PACRG: variants seen among roughly 807,000 people sequenced by gnomAD.
PACRG encodes the protein parkin coregulated gene protein.
PACRG carries 29 observed loss-of-function variants against 29.7 expected under a neutral mutation model. The ratio of observed to expected loss-of-function variants is 0.98; its 90% CI spans 0.73 to 1.33. The LOEUF (loss-of-function observed/expected upper bound fraction) is 1.33. Ranked by LOEUF, PACRG falls within the 40% of genes most tolerant of loss-of-function variation. The pLI is 0.00. For synonymous variants in PACRG, 116 were observed against 118.7 expected (o/e 0.98, Z 0.15); for missense variants, 279 against 316.2 (o/e 0.88, Z 0.89).
At chr6:163,277,776 A>T (rs1036192207) in intron 4 of PACRG, among the ~76,000 whole-genome samples, 3 of 151,598 alleles carry the variant, frequency 2.0e-5, no homozygotes, top group Non-Finnish European at 4.4e-5. Context: ...TTGCAATTGT[A>T]AATTGTGCTG....
chr6:163,032,619 T>A (rs1807776964), intron 2 of PACRG, among the ~76,000 whole-genome samples: 1 of 152,218 alleles, frequency 6.6e-6, no homozygotes, highest in African/African-American at 2.4e-5. Flanking sequence ...GAGTTTTTTA[T>A]AATTTTAGAA....
intron 4 of PACRG, among the ~76,000 whole-genome samples, chr6:163,223,495 C>G (rs899192435): frequency 6.6e-6 from 1 of 152,176 alleles, no homozygotes; most frequent in Non-Finnish European, 1.5e-5. Flanking sequence ...TGAGTGCCCA[C>G]TGAGCTCCAC....
At chr6:162,961,883 G>A (rs1800648060) in intron 2 of PACRG, among the ~76,000 whole-genome samples, 1 of 151,904 alleles carries the variant, frequency 6.6e-6, no homozygotes, top group African/African-American at 2.4e-5. Context: ...ACCTGAGGCT[G>A]TCTGTGAGCT....
intron 1 of PACRG, among the ~76,000 whole-genome samples, chr6:162,811,839 G>T (rs1427369216): frequency 6.6e-6 from 1 of 152,002 alleles, no homozygotes; most frequent in Non-Finnish European, 1.5e-5. Flanking sequence ...AAAGTGTTTT[G>T]GATTTTTGAT....
In PACRG at chr6:162,728,139, C is replaced by A; in HGVS notation, c.-97C>A. On this transcript the variant is annotated 5_prime_UTR_variant, in exon 1 of 5. Transcript: ENST00000366888. ...GGGTTGAATTTCTACCATTATCGCG[C>A]CTTTTGATATTTTTTTCCAGACCTC... 1 of 1,407,902 alleles carries A rather than the reference C, an allele frequency of 7.1e-7. No individual in the cohort carries two copies. Among genetic ancestry groups the A allele is most frequent in the South Asian group, 1.3e-5 (1 of 75,394 alleles). The allele number at this position is 1,407,902 out of a possible 1,614,324, so 87.2% of individuals were successfully genotyped here.
At chr6:163,205,600 C>G (rs1585331059) in intron 4 of PACRG, among the ~76,000 whole-genome samples, 1 of 152,046 alleles carries the variant, frequency 6.6e-6, no homozygotes, top group Non-Finnish European at 1.5e-5. Flanking sequence ...CCTAAAACTA[C>G]AAAAACCCTG....
rs1480211610 is a variant in PACRG, at chr6:162,990,879, G to A, written c.292-71271G>A. Among the ~76,000 whole-genome samples, 195 of 97,256 alleles carry A rather than the reference G, an allele frequency of 2.0e-3. 1 individual carries two copies. The highest frequency in any genetic ancestry group is 3.4e-3 in the Non-Finnish European group (185 of 54,426). The allele number at this position is 97,256 out of a possible 152,430, so 63.8% of individuals were successfully genotyped here. A position where few individuals can be genotyped will look rare whatever the true frequency, so the allele number is the denominator to read the frequency against. On this transcript the variant is annotated intron_variant, in intron 2 of 4. Coordinates refer to ENST00000366888, the MANE Select transcript of PACRG (RefSeq NM_001080379.2). ...GGGTTTTTATGGTTTTAGGTCTAAC[G>A]TTTAAATCTTTAATCCATCTTGAAT...
rs970080664 is a variant in PACRG at position 163,315,404 on chromosome 6, T to A, written c.*417T>A. ...ATGCTGACTGCTTACTAGGTGTTTG[T>A]CATGGAAGAGAAGCATGGGTTCAGC... On this transcript the variant is annotated 3_prime_UTR_variant, in exon 5 of 5. Transcript: ENST00000366888. The A allele has an allele frequency of 1.3e-5, 2 of 156,598 alleles. No homozygotes were observed. The highest frequency in any genetic ancestry group is 4.8e-5 in the African/African-American group (2 of 41,524). The allele number at this position is 156,598 out of a possible 1,614,324, so 9.7% of individuals were successfully genotyped here.
chr6:163,094,451 C>G (rs913052380), intron 4 of PACRG, among the ~76,000 whole-genome samples: 1 of 152,200 alleles, frequency 6.6e-6, no homozygotes, highest in South Asian at 2.1e-4. Flanking sequence ...TATCTAGTCT[C>G]TCTGAGCACT....
chr6:163,291,715 G>C, intron 4 of PACRG, among the ~76,000 whole-genome samples: 2 of 152,352 alleles, frequency 1.3e-5, no homozygotes, highest in South Asian at 4.1e-4. Flanking sequence ...TTAAAAGAAA[G>C]ACAAATGTCT....
intron 2 of PACRG, among the ~76,000 whole-genome samples, chr6:163,029,868 G>A (rs1160957187): frequency 6.6e-6 from 1 of 152,158 alleles, no homozygotes; most frequent in Non-Finnish European, 1.5e-5. Context: ...TGAACAAGCT[G>A]ATTAATACAA....
At chr6:162,937,363 A>T (rs1358785210) in intron 2 of PACRG, among the ~76,000 whole-genome samples, 1 of 152,206 alleles carries the variant, frequency 6.6e-6, no homozygotes, top group Admixed American at 6.5e-5. Context: ...GCTGTGCTAG[A>T]CAGTGCAGGT....
intron 4 of PACRG, among the ~76,000 whole-genome samples, chr6:163,297,936 C>T (rs553808287): frequency 8.5e-5 from 13 of 152,270 alleles, no homozygotes; most frequent in South Asian, 4.1e-4. Flanking sequence ...ATGGACTGAC[C>T]GTGCAGTGTC....
chr6:162,824,553 G>T (rs1788118157), intron 2 of PACRG, among the ~76,000 whole-genome samples: 1 of 152,056 alleles, frequency 6.6e-6, no homozygotes, highest in Non-Finnish European at 1.5e-5. Flanking sequence ...TAATTTTGTG[G>T]TATGTTGGGA....
intron 2 of PACRG, among the ~76,000 whole-genome samples, chr6:163,001,467 C>T (rs530799100): frequency 8.5e-5 from 13 of 152,090 alleles, no homozygotes; most frequent in East Asian, 1.9e-4. Flanking sequence ...GAGTGGCAGC[C>T]GGTAAACAGA....
chr6:162,958,882 TATAG>T (rs1456243337), intron 2 of PACRG, among the ~76,000 whole-genome samples: 13 of 15,116 alleles, frequency 8.6e-4, no homozygotes, highest in African/African-American at 1.0e-3. Flanking sequence ...TATATATATA[TATAG>T]AGAGAGAGAG....
chr6:162,946,612 G>A (rs973039505), intron 2 of PACRG, among the ~76,000 whole-genome samples: 6 of 151,998 alleles, frequency 3.9e-5, no homozygotes, highest in African/African-American at 1.4e-4. Context: ...TCAAAGAGGA[G>A]AGAATTCTCA....
chr6:162,859,045 C>T (rs1366329473), intron 2 of PACRG, among the ~76,000 whole-genome samples: 1 of 152,146 alleles, frequency 6.6e-6, no homozygotes, highest in Non-Finnish European at 1.5e-5. Flanking sequence ...ATGTTCTGAA[C>T]CCCAAAAATA....
In PACRG at chr6:163,049,472, C is replaced by G. The variant is rs147998493; in HGVS notation, c.292-12678C>G. Among the ~76,000 whole-genome samples the G allele has an allele frequency of 3.9e-3, 587 of 152,106 alleles. 1 individual carries two copies. Among genetic ancestry groups the G allele is most frequent in the African/African-American group, 0.014 (563 of 41,530 alleles). Reference sequence around the variant, plus strand: ...AATGGGGGAAATATTCCCAATGAGACTCAAAAATCAGCATCTATAAAACAT... The same window carrying G: ...AATGGGGGAAATATTCCCAATGAGAGTCAAAAATCAGCATCTATAAAACAT... On this transcript the variant is annotated intron_variant, in intron 2 of 4. Transcript: ENST00000366888.
Sources: allele counts gnomAD v4.1 joint callset (sites outside exome capture counted in the v4.1 genomes callset), GRCh38; gene constraint gnomAD v4.1.1; transcripts MANE v1.5; gene names NCBI Gene and HGNC (gene_info 2026-07-23, HGNC 2026-07-21).